The following ZSWIM6 variants were observed in gnomAD, a reference collection of about 807,000 sequenced individuals.
ZSWIM6 encodes zinc finger SWIM domain-containing protein 6.
In ZSWIM6, 9 loss-of-function variants were observed where a neutral mutation model predicts 113.2. That is an observed-to-expected ratio of 0.08 (90% CI 0.05 to 0.14). ZSWIM6 has a LOEUF of 0.14. Ranked by LOEUF, ZSWIM6 falls within the 10% of genes least tolerant of loss-of-function variation. ZSWIM6 has a pLI of 1.00. For missense variants in ZSWIM6, 1,162 were observed against 1,552.2 expected (o/e 0.75, Z 4.22); for synonymous variants, 611 against 606.5 (o/e 1.01, Z -0.11).
At chr5:61,500,342 G>A (rs1561265674) in intron 4 of ZSWIM6, among the ~76,000 whole-genome samples, 2 of 151,918 alleles carry the variant, frequency 1.3e-5, no homozygotes, top group Non-Finnish European at 2.9e-5. Flanking sequence ...TAACCAGGCT[G>A]GTCTCGAACT....
intron 1 of ZSWIM6, among the ~76,000 whole-genome samples, chr5:61,437,075 C>G (rs1231682268): frequency 6.6e-6 from 1 of 152,080 alleles, no homozygotes; most frequent in Non-Finnish European, 1.5e-5. Flanking sequence ...TAAAGTCACA[C>G]TAAAACCAAG....
chr5:61,364,311 A>G (rs984406571), intron 1 of ZSWIM6, among the ~76,000 whole-genome samples: 2 of 152,180 alleles, frequency 1.3e-5, no homozygotes, highest in South Asian at 2.1e-4. Flanking sequence ...TTGCATATAC[A>G]TGCTTGAATT....
At chr5:61,407,397 C>T (rs1031249746) in intron 1 of ZSWIM6, among the ~76,000 whole-genome samples, 4 of 152,134 alleles carry the variant, frequency 2.6e-5, no homozygotes, top group Non-Finnish European at 4.4e-5. Flanking sequence ...TGGGGAATGA[C>T]AGTCTGTGAT....
chr5:61,499,053 G>T (rs1293793196), intron 4 of ZSWIM6, among the ~76,000 whole-genome samples: 2 of 152,118 alleles, frequency 1.3e-5, no homozygotes, highest in Non-Finnish European at 2.9e-5. Context: ...TGGCTAAGGA[G>T]CAACTGCTTC....
intron 1 of ZSWIM6, among the ~76,000 whole-genome samples, chr5:61,445,873 A>G (rs1261139810): frequency 2.0e-5 from 3 of 152,208 alleles, no homozygotes; most frequent in Admixed American, 2.0e-4. Context: ...AGAAACACAA[A>G]TGATGGATAT....
chr5:61,348,198 G>T (rs1387836412), intron 1 of ZSWIM6, among the ~76,000 whole-genome samples: 1 of 152,136 alleles, frequency 6.6e-6, no homozygotes, highest in Non-Finnish European at 1.5e-5. Context: ...TCCAGCCTGG[G>T]CAACAGAGTG....
At chr5:61,524,545 G>C (rs1749227986) in intron 5 of ZSWIM6, among the ~76,000 whole-genome samples, 1 of 152,170 alleles carries the variant, frequency 6.6e-6, no homozygotes, top group African/African-American at 2.4e-5. Flanking sequence ...GTCACTGCCT[G>C]ATGGTGTGAC....
chr5:61,502,929 G>C (rs534970002), intron 4 of ZSWIM6, among the ~76,000 whole-genome samples: 4 of 152,086 alleles, frequency 2.6e-5, no homozygotes, highest in South Asian at 4.2e-4. Context: ...GTACTCATAC[G>C]TGGAAAAATT....
At chr5:61,385,054 C>T (rs980869330) in intron 1 of ZSWIM6, among the ~76,000 whole-genome samples, 1 of 151,740 alleles carries the variant, frequency 6.6e-6, no homozygotes. Context: ...AGTGAGACTC[C>T]GTCTCAAAAA....
chr5:61,431,093 C>T (rs752073929), intron 1 of ZSWIM6, among the ~76,000 whole-genome samples: 17 of 151,928 alleles, frequency 1.1e-4, no homozygotes, highest in Non-Finnish European at 1.8e-4. Flanking sequence ...TCTTATGGGT[C>T]GGGCATGGTG....
intron 1 of ZSWIM6, among the ~76,000 whole-genome samples, chr5:61,343,501 C>T (rs1744590879): frequency 6.6e-6 from 1 of 152,118 alleles, no homozygotes; most frequent in Admixed American, 6.5e-5. Context: ...ATTTTGTATA[C>T]GCCAGGTTGT....
intron 4 of ZSWIM6, among the ~76,000 whole-genome samples, chr5:61,495,180 G>A (rs967151253): frequency 2.0e-5 from 3 of 152,202 alleles, no homozygotes; most frequent in Admixed American, 6.6e-5. Flanking sequence ...GAAGATCCTA[G>A]TCTTAGTGAA....
intron 2 of ZSWIM6, among the ~76,000 whole-genome samples, chr5:61,485,627 C>G (rs897264802): frequency 6.6e-6 from 1 of 152,164 alleles, no homozygotes; most frequent in Non-Finnish European, 1.5e-5. Context: ...CACTTACTCA[C>G]CAAGTTCTTG....
chr5:61,383,704 G>A (rs1323502861), intron 1 of ZSWIM6, among the ~76,000 whole-genome samples: 3 of 151,624 alleles, frequency 2.0e-5, no homozygotes, highest in Middle Eastern at 3.4e-3. Flanking sequence ...ATGCTACCAC[G>A]TCCAGCTAAT....
Position 61,535,513 on chromosome 5 carries a change from A to G in ZSWIM6, c.2275A>G (p.Ile759Val), listed in dbSNP as rs779327058. The change falls in exon 10 of 14, where the codon ATC (isoleucine) becomes GTC (valine). Residue 759 changes from isoleucine to valine, a missense_variant. This residue lies in a region of ZSWIM6 where 620 missense variants were observed against 804.6 expected (regional missense o/e 0.77). Coordinates refer to ENST00000252744, the MANE Select transcript of ZSWIM6 (RefSeq NM_020928.2). ...ACCATATAGTGGTTTAGGTGAAATAATCCATCGGGAGAGCGTTCCAATGCA... is the reference window on the plus strand; with the variant it reads ...ACCATATAGTGGTTTAGGTGAAATAGTCCATCGGGAGAGCGTTCCAATGCA... Reference protein sequence around the residue: ...AGPYSGLGEIIHRESVPMHTF... With the variant: ...AGPYSGLGEIVHRESVPMHTF... 2 of 1,551,386 alleles carry G rather than the reference A, an allele frequency of 1.3e-6. No homozygotes were observed. Among genetic ancestry groups the G allele is most frequent in the Non-Finnish European group, 1.7e-6 (2 of 1,146,758 alleles).
rs918072688 is a variant in ZSWIM6, at chr5:61,353,760, T to A, written c.676+20812T>A. The stretch of plus-strand genomic sequence containing the variant: ...ATTTCAGTCACAACATTTAGTGACA[T>A]AAATACTTTGACTTGAAACAATTAC... On this transcript the variant is annotated intron_variant, in intron 1 of 13. Transcript: ENST00000252744. 5.4e-5 allele frequency among the ~76,000 whole-genome samples: 8 copies of A among 148,290 alleles called. No homozygotes were observed. In the Admixed American group the frequency reaches 5.5e-4, roughly 10 times the overall value.
At chr5:61,449,855 TCCCAGTTGATC>T (rs1172077337) in intron 1 of ZSWIM6, among the ~76,000 whole-genome samples, 1 of 152,096 alleles carries the variant, frequency 6.6e-6, no homozygotes, top group Non-Finnish European at 1.5e-5. Context: ...AAACACCTGT[TCCCAGTTGATC>T]TCCAGGTGTG....
chr5:61,374,069 A>G (rs1561212327), intron 1 of ZSWIM6, among the ~76,000 whole-genome samples: 2 of 152,112 alleles, frequency 1.3e-5, no homozygotes, highest in Non-Finnish European at 2.9e-5. Context: ...GATACTATAC[A>G]TGTGGTAATA....
chr5:61,364,054 CTT>C (rs1280447593), intron 1 of ZSWIM6, among the ~76,000 whole-genome samples: 1 of 135,540 alleles, frequency 7.4e-6, no homozygotes, highest in Non-Finnish European at 1.6e-5. Flanking sequence ...TCCTTTCTCT[CTT>C]TCTTTCTTTT....
Sources: gnomAD v4.1 joint callset for allele counts (sites outside exome capture counted in the v4.1 genomes callset) on GRCh38, gnomAD v4.1.1 for gene constraint, gnomAD v4.1.1 regional missense constraint, MANE v1.5 for transcripts, NCBI Gene and HGNC (gene_info 2026-07-23, HGNC 2026-07-21) for gene names.